ERC1: variants seen among roughly 807,000 people sequenced by gnomAD.
ERC1 encodes the protein ELKS/RAB6-interacting/CAST family member 1, also known as RAB6 interacting protein 2.
In ERC1, 56 loss-of-function variants were observed where a neutral mutation model predicts 132.0. That is an observed-to-expected ratio of 0.42 (90% confidence interval 0.34 to 0.53). ERC1 has a LOEUF of 0.53. ERC1 is among the 20% of genes least tolerant of loss of function. The pLI, the probability that ERC1 is intolerant of heterozygous loss-of-function variation, is 0.03. For synonymous variants in ERC1, 478 were observed against 476.1 expected, an observed-to-expected ratio of 1.00 and a Z score of -0.05; for missense variants, 1,202 against 1,349.9, an observed-to-expected ratio of 0.89 and a Z score of 1.72.
intron 17 of ERC1, among the ~76,000 whole-genome samples, chr12:1,409,948 A>T (rs1360206992): frequency 2.6e-5 from 4 of 152,044 alleles, no homozygotes; most frequent in Non-Finnish European, 4.4e-5. Flanking sequence ...ACCTCAGGTG[A>T]TCTGCCCGCC....
chr12:1,191,076 C>CAGT (rs1955682210), intron 12 of ERC1, among the ~76,000 whole-genome samples: 1 of 152,114 alleles, frequency 6.6e-6, no homozygotes, highest in Non-Finnish European at 1.5e-5. Flanking sequence ...GTCTAACCTT[C>CAGT]ACAGTTCTCC....
chr12:1,158,140 G>A (rs1951568012), intron 8 of ERC1, among the ~76,000 whole-genome samples: 1 of 152,144 alleles, frequency 6.6e-6, no homozygotes, highest in Admixed American at 6.5e-5. Context: ...AAAACTTTCT[G>A]TGTCTTGATT....
chr12:1,462,401 A>G (rs555121357), intron 18 of ERC1, among the ~76,000 whole-genome samples: 35 of 152,356 alleles, frequency 2.3e-4, no homozygotes, highest in African/African-American at 7.9e-4. Context: ...GCTTTACTGG[A>G]AAAAGTCCAA....
intron 1 of ERC1, among the ~76,000 whole-genome samples, chr12:1,027,245 G>A (rs1423233888): frequency 6.6e-6 from 1 of 152,160 alleles, no homozygotes; most frequent in Non-Finnish European, 1.5e-5. Context: ...TTGATATTGA[G>A]TTTGACCAGT....
At chr12:1,293,981 C>T (rs934707484) in intron 15 of ERC1, among the ~76,000 whole-genome samples, 1 of 152,090 alleles carries the variant, frequency 6.6e-6, no homozygotes, top group Non-Finnish European at 1.5e-5. Context: ...TTATTTTACA[C>T]TTGAAAAAGA....
In ERC1 at chr12:1,408,174, CCGA is replaced by C; in HGVS notation, c.2953_2955del (p.Asp985del). The C allele has an allele frequency of 6.2e-7, 1 of 1,613,818 alleles. No homozygotes were observed. Among genetic ancestry groups the C allele is most frequent in the Non-Finnish European group, 8.5e-7 (1 of 1,179,856 alleles). ...ACGCAAAATCGAATGAAGCTAATGG[CCGA>C]CAACTACGAGGATGACCACTTCAAA... On this transcript the variant is annotated inframe_deletion, in exon 17 of 19. Transcript: ENST00000360905.
chr12:1,211,163 T>A (rs1205095750), intron 12 of ERC1, among the ~76,000 whole-genome samples: 1 of 152,118 alleles, frequency 6.6e-6, no homozygotes, highest in Non-Finnish European at 1.5e-5. Context: ...ATATATATAT[T>A]TTGAGACAGA....
intron 18 of ERC1, among the ~76,000 whole-genome samples, chr12:1,457,734 A>G (rs2154419334): frequency 6.7e-6 from 1 of 150,036 alleles, no homozygotes; most frequent in African/African-American, 2.4e-5. Context: ...TCGAAAAAGG[A>G]AAAAAAAAAT....
At chr12:996,668 A>G (rs892844030) in intron 1 of ERC1, among the ~76,000 whole-genome samples, 3 of 152,132 alleles carry the variant, frequency 2.0e-5, no homozygotes, top group Non-Finnish European at 2.9e-5. Flanking sequence ...ATGACTTCTT[A>G]TTGTTGTTGT....
chr12:1,409,661 G>A (rs1175518231), intron 17 of ERC1, among the ~76,000 whole-genome samples: 1 of 152,064 alleles, frequency 6.6e-6, no homozygotes, highest in East Asian at 1.9e-4. Flanking sequence ...ATATAAAATG[G>A]CATAGTATTT....
At chr12:1,478,306 G>A (rs771958628) in intron 18 of ERC1, among the ~76,000 whole-genome samples, 1 of 151,912 alleles carries the variant, frequency 6.6e-6, no homozygotes. Flanking sequence ...TGACTAATGA[G>A]TTATCCACCT....
chr12:1,354,261 T>C (rs970789084), intron 15 of ERC1, among the ~76,000 whole-genome samples: 2 of 152,144 alleles, frequency 1.3e-5, no homozygotes, highest in Non-Finnish European at 2.9e-5. Flanking sequence ...TGGTGGCTCA[T>C]GCCTGCAATC....
chr12:1,028,911 T>C (rs1342614131), intron 2 of ERC1, among the ~76,000 whole-genome samples: 1 of 151,852 alleles, frequency 6.6e-6, no homozygotes, highest in Non-Finnish European at 1.5e-5. Context: ...CTAATATCTA[T>C]TACCAAATGT....
At chr12:1,343,757 T>C (rs1432019507) in intron 15 of ERC1, among the ~76,000 whole-genome samples, 1 of 152,222 alleles carries the variant, frequency 6.6e-6, no homozygotes, top group Non-Finnish European at 1.5e-5. Context: ...TGCAGGACTT[T>C]CCTTTAAAGC....
intron 16 of ERC1, among the ~76,000 whole-genome samples, chr12:1,404,546 C>T (rs2091322715): frequency 1.3e-5 from 2 of 152,172 alleles, no homozygotes; most frequent in South Asian, 4.1e-4. Flanking sequence ...GAGACACTGT[C>T]CTCTTTAGGA....
At chr12:1,162,076 C>T (rs1951934588) in intron 8 of ERC1, among the ~76,000 whole-genome samples, 1 of 152,090 alleles carries the variant, frequency 6.6e-6, no homozygotes, top group Admixed American at 6.6e-5. Flanking sequence ...CACTGTCCAC[C>T]CATAGTCTTC....
At chr12:1,054,261 T>C (rs1163833735) in intron 2 of ERC1, among the ~76,000 whole-genome samples, 1 of 152,210 alleles carries the variant, frequency 6.6e-6, no homozygotes, top group African/African-American at 2.4e-5. Context: ...TCAATAACTT[T>C]CTTCTTCGTA....
chr12:1,156,298 G>T (rs915811227), intron 8 of ERC1, among the ~76,000 whole-genome samples: 1 of 151,822 alleles, frequency 6.6e-6, no homozygotes, highest in African/African-American at 2.4e-5. Context: ...GAGTGCAGTG[G>T]TGCAATCTTA....
intron 14 of ERC1, among the ~76,000 whole-genome samples, chr12:1,284,265 C>CGTGTGTGTGTGTGTGTGT (rs71055142): frequency 2.9e-5 from 4 of 140,082 alleles, no homozygotes; most frequent in East Asian, 2.1e-4. Flanking sequence ...GAATAGTATT[C>CGTGTGTGTGTGTGTGTGT]GTGTGTGTGT....
Sources: allele counts gnomAD v4.1 joint callset (sites outside exome capture counted in the v4.1 genomes callset), GRCh38; gene constraint gnomAD v4.1.1; transcripts MANE v1.5; gene names NCBI Gene and HGNC (gene_info 2026-07-23, HGNC 2026-07-21).